WDR82: variants seen among roughly 807,000 people sequenced by gnomAD.
The protein encoded by WDR82 is WD repeat domain 82, also known as WD repeat-containing protein 82.
WDR82 carries 8 observed loss-of-function variants against 36.1 expected under a neutral mutation model. The observed-to-expected ratio is 0.22, with a 90% CI of 0.13 to 0.40. The LOEUF is 0.40. Among genes scored for constraint, WDR82 ranks in the 10% least tolerant of loss-of-function variants. The pLI is 1.00. For synonymous variants in WDR82, 129 were observed against 137.8 expected, an observed-to-expected ratio of 0.94 and a Z score of 0.45; for missense variants, 185 against 400.5, an observed-to-expected ratio of 0.46 and a Z score of 4.59.
At chr3:52,274,235 A>C (rs903056199) in intron 1 of WDR82, among the ~76,000 whole-genome samples, 1 of 152,220 alleles carries the variant, frequency 6.6e-6, no homozygotes, top group African/African-American at 2.4e-5. Context: ...AGCCATTTTC[A>C]AACTCCCAAA....
intron 3 of WDR82, among the ~76,000 whole-genome samples, chr3:52,263,473 A>T (rs759497705): frequency 5.9e-5 from 9 of 152,184 alleles, no homozygotes; most frequent in African/African-American, 9.7e-5. Context: ...AATATAGAGA[A>T]CCATTAAGAG....
In WDR82 at chr3:52,278,432, G is replaced by A. The variant is rs1276975834; in HGVS notation, c.-71C>T. The A allele has an allele frequency of 4.2e-6, 5 of 1,190,734 alleles. No homozygotes were observed. Among genetic ancestry groups the A allele is most frequent in the African/African-American group, 3.2e-5 (2 of 61,844 alleles). The allele number at this position is 1,190,734 out of a possible 1,614,324, so 73.8% of individuals were successfully genotyped here. Reference sequence around the variant, plus strand: ...CCCGGCGGCGAGCGGGCGGGCTGCCGAGGGGCCAACCCAGGCGGGGCGGGC... The same window carrying A: ...CCCGGCGGCGAGCGGGCGGGCTGCCAAGGGGCCAACCCAGGCGGGGCGGGC... On this transcript the variant is annotated 5_prime_UTR_variant, in exon 1 of 9. Transcript: ENST00000296490.
At chr3:52,268,470 C>T in intron 2 of WDR82, 2 of 368,500 alleles carry the variant, frequency 5.4e-6, no homozygotes, top group East Asian at 7.6e-5. Context: ...CTACAAGTGC[C>T]ACACATTTGC....
chr3:52,264,038 C>T (rs1419831700), intron 3 of WDR82, among the ~76,000 whole-genome samples: 1 of 152,146 alleles, frequency 6.6e-6, no homozygotes, highest in East Asian at 1.9e-4. Flanking sequence ...TGGTGCGTGC[C>T]TGTAATCCCA....
At chr3:52,258,392 T>C (rs912297690) in intron 8 of WDR82, 144 bp downstream of exon 8, 21 of 957,350 alleles carry the variant, frequency 2.2e-5, no homozygotes, top group African/African-American at 1.3e-4. Flanking sequence ...GGAGATGAAA[T>C]AGGGAAACCA....
intron 2 of WDR82, 58 bp downstream of exon 2, chr3:52,270,654 C>A: frequency 7.5e-7 from 1 of 1,335,688 alleles, no homozygotes; most frequent in Non-Finnish European, 1.1e-6. Flanking sequence ...CACAAAGATT[C>A]CATGAACTAT....
Position 52,278,194 on chromosome 3 carries a change from C to T in WDR82, c.161+7G>A, listed in dbSNP as rs1156491865. Reference sequence around the variant, plus strand: ...AGACTCGGGCCCAGGGCCTCCGCCGCACTCACTTGCCCTCCTGGCAGTCAT... The same window carrying T: ...AGACTCGGGCCCAGGGCCTCCGCCGTACTCACTTGCCCTCCTGGCAGTCAT... On this transcript the variant is annotated splice_region_variant and intron_variant, in intron 1 of 8. Coordinates refer to ENST00000296490, the MANE Select transcript of WDR82 (RefSeq NM_025222.4). 6.3e-7 allele frequency: 1 copy of T among 1,593,144 alleles called. No homozygotes were observed.
intron 3 of WDR82, among the ~76,000 whole-genome samples, chr3:52,262,101 T>C (rs1439986852): frequency 6.6e-6 from 1 of 152,240 alleles, no homozygotes; most frequent in Non-Finnish European, 1.5e-5. Context: ...CTGCCTCATG[T>C]GACAACATGG....
chr3:52,262,613 T>C (rs2107333126), intron 3 of WDR82, among the ~76,000 whole-genome samples: 1 of 152,328 alleles, frequency 6.6e-6, no homozygotes, highest in East Asian at 1.9e-4. Context: ...TGGGTGAGGC[T>C]GCTGTTTTGG....
chr3:52,263,042 C>T (rs184796809), intron 3 of WDR82, among the ~76,000 whole-genome samples: 8 of 151,470 alleles, frequency 5.3e-5, no homozygotes, highest in South Asian at 2.1e-4. Context: ...GCGGAAGAAT[C>T]GCTTGAACCC....
At chr3:52,265,144 C>CA in intron 3 of WDR82, among the ~76,000 whole-genome samples, 1 of 151,342 alleles carries the variant, frequency 6.6e-6, no homozygotes, top group South Asian at 2.1e-4. Flanking sequence ...ACTAAAAATA[C>CA]AAAAAACTAG....
At chr3:52,267,053 A>AC in intron 2 of WDR82, 35 bp from the exon 3 acceptor site, 2 of 1,529,078 alleles carry the variant, frequency 1.3e-6, no homozygotes, top group African/African-American at 1.4e-5. Flanking sequence ...ATGATATCAT[A>AC]CTATTTAAAA....
intron 1 of WDR82, among the ~76,000 whole-genome samples, chr3:52,273,709 G>A (rs562116584): frequency 2.0e-5 from 3 of 152,040 alleles, no homozygotes; most frequent in Admixed American, 6.6e-5. Context: ...CAACCTCTGC[G>A]TCCCCGGTTC....
intron 5 of WDR82, 113 bp downstream of exon 5, chr3:52,260,272 T>C (rs1463341653): frequency 1.4e-6 from 1 of 691,502 alleles, no homozygotes; most frequent in Admixed American, 3.8e-5. Context: ...GAGGTTGCAG[T>C]GAGCTGAGAT....
chr3:52,266,640 G>T (rs1700109360), intron 3 of WDR82, among the ~76,000 whole-genome samples: 1 of 152,060 alleles, frequency 6.6e-6, no homozygotes, highest in South Asian at 2.1e-4. Context: ...GTTTTGACAC[G>T]TTGGCCTGGC....
At chr3:52,264,058 G>C (rs149482397) in intron 3 of WDR82, among the ~76,000 whole-genome samples, 127 of 152,280 alleles carry the variant, frequency 8.3e-4, no homozygotes, top group African/African-American at 2.8e-3. Flanking sequence ...AGCTATTCGG[G>C]AGGCTGAGGC....
chr3:52,262,817 T>A (rs1700072813), intron 3 of WDR82, among the ~76,000 whole-genome samples: 1 of 152,218 alleles, frequency 6.6e-6, no homozygotes, highest in Non-Finnish European at 1.5e-5. Flanking sequence ...TTCCTGAGAA[T>A]GCTGAGGAGG....
intron 1 of WDR82, among the ~76,000 whole-genome samples, chr3:52,272,326 C>G (rs1170364233): frequency 1.3e-5 from 2 of 151,936 alleles, no homozygotes; most frequent in Non-Finnish European, 2.9e-5. Context: ...GGTGGATTGC[C>G]TGAGGTCAGG....
At position 52,261,443 on chromosome 3, in the gene WDR82, A is replaced by G; in HGVS notation, c.363T>C (p.Thr121=). 1 of 1,613,904 alleles carries G rather than the reference A, an allele frequency of 6.2e-7. No homozygotes were observed. Among genetic ancestry groups the G allele is most frequent in the South Asian group, 1.1e-5 (1 of 91,016 alleles). The change falls in exon 4 of 9, where the codon ACT becomes ACC. Residue 121 remains threonine, a synonymous_variant. Coordinates refer to ENST00000296490, the MANE Select transcript of WDR82 (RefSeq NM_025222.4). Reference sequence around the variant, plus strand: ...TCTTATCAAGAGACCCAGAAATGAAAGTGTCATCCACAGGTGACATGGACA... The same window carrying G: ...TCTTATCAAGAGACCCAGAAATGAAGGTGTCATCCACAGGTGACATGGACA... The part of the protein sequence containing the change: ...VALSMSPVDD[T]FISGSLDKTI...
Sources: gnomAD v4.1 joint callset for allele counts (sites outside exome capture counted in the v4.1 genomes callset) on GRCh38, gnomAD v4.1.1 for gene constraint, MANE v1.5 for transcripts, NCBI Gene and HGNC (gene_info 2026-07-23, HGNC 2026-07-21) for gene names.